The following MUC5B variants were observed in gnomAD, a reference collection of about 807,000 sequenced individuals.
MUC5B encodes mucin 5B, oligomeric mucus/gel-forming.
A neutral mutation model predicts 376.9 loss-of-function variants in MUC5B; 116 were observed. That is an observed-to-expected ratio of 0.31 (90% CI 0.26 to 0.36). The LOEUF is 0.36. Among genes scored for constraint, MUC5B ranks in the 10% least tolerant of loss-of-function variants. MUC5B has a pLI of 1.00. For synonymous variants in MUC5B, 3,517 were observed against 3,390.9 expected (o/e 1.04, Z -1.29); for missense variants, 7,165 against 7,769.9 (o/e 0.92, Z 2.93).
At position 1,230,945 on chromosome 11, in the gene MUC5B, G is replaced by C; in HGVS notation, c.1480G>C (p.Val494Leu). Residue 494 changes from valine (V) to leucine (L), a missense_variant, in exon 13 of 49, where the codon GTC (valine) becomes CTC (leucine). By Grantham distance (32) the Val-to-Leu change is conservative. Coordinates refer to ENST00000529681, the MANE Select transcript of MUC5B (RefSeq NM_002458.3). ...CCGCCTCCTTCCGCAGGCCATCCGG[G>C]TCCAAGCGGACGGCGGCGTGTTCCT... ...SLDGGDTAIRVQADGGVFLNS... is the reference protein window; with the variant it reads ...SLDGGDTAIRLQADGGVFLNS... 1 of 1,591,592 alleles carries C rather than the reference G, an allele frequency of 6.3e-7. No individual in the cohort carries two copies.
rs774333108 is a variant in MUC5B, at chr11:1,251,134, C to A, written c.14254C>A (p.Pro4752Thr). Residue 4752 changes from proline (P) to threonine (T), a missense_variant, in exon 31 of 49, where the codon CCC becomes ACC. Coordinates refer to ENST00000529681, the MANE Select transcript of MUC5B (RefSeq NM_002458.3). ...AAAATCCACAGCTACCAGCTTTACA[C>A]CCATCCCCTCCTCCACCCTGTGGAC... ...ATKSTATSFT[P>T]IPSSTLWTTW... The A allele has an allele frequency of 1.1e-5, 17 of 1,610,992 alleles. 1 individual carries two copies. Among genetic ancestry groups the A allele is most frequent in the Non-Finnish European group, 5.9e-6 (7 of 1,178,154 alleles).
At chr11:1,230,676 G>T in intron 12 of MUC5B, 76 bp downstream of exon 12, 1 of 1,358,710 alleles carries the variant, frequency 7.4e-7, no homozygotes, top group South Asian at 1.3e-5. Flanking sequence ...GCACGGTCAG[G>T]TCCCCCTCCA....
intron 18 of MUC5B, 115 bp from the exon 19 acceptor site, chr11:1,233,678 A>G (rs1862086798): frequency 9.9e-7 from 1 of 1,007,220 alleles, no homozygotes; most frequent in African/African-American, 1.6e-5. Flanking sequence ...GTCTGGCCTT[A>G]CAAGGAGGTG....
chr11:1,251,237 C>T lies in MUC5B; in HGVS notation c.14357C>T (p.Thr4786Ile), dbSNP rs1396668244. The T allele has an allele frequency of 3.1e-6, 5 of 1,611,358 alleles. No homozygotes were observed. The highest frequency in any genetic ancestry group is 4.2e-6 in the Non-Finnish European group (5 of 1,178,314). Reference protein sequence around the residue: ...STIHTSSTPETTHTSTVLTTT... With the variant: ...STIHTSSTPEITHTSTVLTTT... ...ATCCACACCTCCTCTACTCCAGAGA[C>T]CACCCACACCTCCACAGTGCTGACC... The change falls in exon 31 of 49, where the codon ACC becomes ATC. Residue 4786 changes from threonine (T) to isoleucine (I), a missense_variant. Physicochemically the swap from Thr to Ile is moderately conservative, Grantham distance 89. Coordinates refer to ENST00000529681, the MANE Select transcript of MUC5B (RefSeq NM_002458.3).
rs1392827888 is a variant in MUC5B at position 1,226,297 on chromosome 11, C to T, written c.199+21C>T. 5 of 1,549,932 alleles carry T rather than the reference C, an allele frequency of 3.2e-6. No homozygotes were observed. In the African/African-American group the frequency reaches 4.1e-5, roughly 13 times the overall value. On this transcript the variant is annotated intron_variant, in intron 3 of 48. Transcript: ENST00000529681. ...GAGCCGTAAGCAGATGCTGCCCCTG[C>T]CAGCCGGGAAGGGGGTGTTTGCCAG...
chr11:1,253,165 T>G lies in MUC5B; in HGVS notation c.15217+185T>G. The G allele has an allele frequency of 1.4e-6, 1 of 729,764 alleles. No individual in the cohort carries two copies. The highest frequency in any genetic ancestry group is 1.7e-5 in the South Asian group (1 of 58,192). The allele number at this position is 729,764 out of a possible 1,614,324, so 45.2% of individuals were successfully genotyped here. On this transcript the variant is annotated intron_variant, in intron 33 of 48. Coordinates refer to ENST00000529681, the MANE Select transcript of MUC5B (RefSeq NM_002458.3). The surrounding 1 kb of genome is among the most constrained non-coding windows in gnomAD (Gnocchi z 4.3). ...GCATGGTGGGGTGTGGTGGTGGTGTTTGGGAGATCGCTGGCATCCCTTCAG... is the reference window on the plus strand; with the variant it reads ...GCATGGTGGGGTGTGGTGGTGGTGTGTGGGAGATCGCTGGCATCCCTTCAG...
In MUC5B at chr11:1,258,355, C is replaced by T; in HGVS notation, c.16581C>T (p.Gly5527=). The change falls in exon 43 of 49, where the codon GGC becomes GGT. Residue 5527 remains glycine (G), a synonymous_variant. Coordinates refer to ENST00000529681, the MANE Select transcript of MUC5B (RefSeq NM_002458.3). The surrounding 1 kb of genome is among the most constrained non-coding windows in gnomAD (Gnocchi z 5.5). ...RCRPQLCSYN[G]TFYGVGATFP... is the part of the protein sequence containing the mutation. ...GACCTCAGCTGTGTTCGTACAATGG[C>T]ACCTTCTACGGGGTAAGGGCACAGC... The T allele has an allele frequency of 6.2e-7, 1 of 1,612,146 alleles. No individual in the cohort carries two copies. Among genetic ancestry groups the T allele is most frequent in the Non-Finnish European group, 8.5e-7 (1 of 1,179,572 alleles).
intron 1 of MUC5B, 114 bp from the exon 2 acceptor site, chr11:1,225,567 A>T: frequency 1.1e-6 from 1 of 942,720 alleles, no homozygotes; most frequent in Non-Finnish European, 1.6e-6. Flanking sequence ...GGAGACCGCC[A>T]CCAAGGACCC....
chr11:1,228,195 G>A (rs1021068838), intron 7 of MUC5B, among the ~76,000 whole-genome samples: 1 of 152,212 alleles, frequency 6.6e-6, no homozygotes, highest in Non-Finnish European at 1.5e-5. Flanking sequence ...CCCGCAGCCG[G>A]CAGCCCTGGG....
In MUC5B at chr11:1,245,990, C is replaced by T. The variant is rs773036549; in HGVS notation, c.9110C>T (p.Ser3037Phe). The change falls in exon 31 of 49, where the codon TCC becomes TTC. Residue 3037 changes from serine (S) to phenylalanine (F), a missense_variant. Around this residue, in one of 31 missense-constraint regions of MUC5B, gnomAD observed 939 missense variants for 770.6 expected, o/e 1.22. Coordinates refer to ENST00000529681, the MANE Select transcript of MUC5B (RefSeq NM_002458.3). ...STATTPTATS[S>F]KATSSSSPRT... ...GCCACCACACCCACAGCCACCAGTT[C>T]CAAAGCCACTTCCTCCTCCAGTCCA... 2.5e-6 allele frequency: 4 copies of T among 1,612,798 alleles called. No homozygotes were observed. Among genetic ancestry groups the T allele is most frequent in the Admixed American group, 3.3e-5 (2 of 59,916 alleles).
At position 1,246,656 on chromosome 11, in the gene MUC5B, C is replaced by T. The variant is rs748826474; in HGVS notation, c.9776C>T (p.Thr3259Met). The T allele has an allele frequency of 3.5e-5, 57 of 1,612,072 alleles. No individual in the cohort carries two copies. Among genetic ancestry groups the T allele is most frequent in the East Asian group, 1.1e-4 (5 of 44,790 alleles). ...CGCCTATCACAGACCACCACACCCA[C>T]GGCCACCATGTCCACAGCCACACCC... ...WTRLSQTTTP[T>M]ATMSTATPSS... Residue 3259 changes from threonine (T) to methionine (M), a missense_variant, in exon 31 of 49, where the codon ACG becomes ATG. Coordinates refer to ENST00000529681, the MANE Select transcript of MUC5B (RefSeq NM_002458.3).
In MUC5B at chr11:1,244,736, C is replaced by G. The variant is rs779873099; in HGVS notation, c.7856C>G (p.Thr2619Ser). The part of the protein sequence containing the change: ...LTTTTTGFTA[T>S]PSSSPGTART... ...ACCACAACCACGGGCTTCACAGCCACCCCCTCCTCCAGCCCAGGGACGGCA... is the reference window on the plus strand; with the variant it reads ...ACCACAACCACGGGCTTCACAGCCAGCCCCTCCTCCAGCCCAGGGACGGCA... The change falls in exon 31 of 49, where the codon ACC becomes AGC. Residue 2619 changes from threonine (T) to serine (S), a missense_variant. Transcript: ENST00000529681. The G allele has an allele frequency of 6.2e-7, 1 of 1,612,246 alleles. No individual in the cohort carries two copies. Among genetic ancestry groups the G allele is most frequent in the East Asian group, 2.2e-5 (1 of 44,874 alleles).
chr11:1,261,377 C>T lies in MUC5B; in HGVS notation c.17070-12C>T, dbSNP rs1364320934. 1 of 1,539,722 alleles carries T rather than the reference C, an allele frequency of 6.5e-7. No individual in the cohort carries two copies. The highest frequency in any genetic ancestry group is 1.4e-5 in the African/African-American group (1 of 72,986). ...CAAGGTGGCTGATGTGAGGGCCACC[C>T]TGCGTCCACAGGTACTCAGCAGAGG... On this transcript the variant is annotated splice_polypyrimidine_tract_variant and intron_variant, in intron 48 of 48. Transcript: ENST00000529681.
At chr11:1,227,919 G>T in intron 7 of MUC5B, 138 bp downstream of exon 7, 1 of 609,842 alleles carries the variant, frequency 1.6e-6, no homozygotes, top group African/African-American at 1.8e-5. Context: ...CACCCTCTGT[G>T]TGCTCAGTTC....
At chr11:1,236,874 G>T (rs981851081) in intron 24 of MUC5B, 51 bp from the exon 25 acceptor site, 1 of 1,394,728 alleles carries the variant, frequency 7.2e-7, no homozygotes, top group South Asian at 1.7e-5. Flanking sequence ...TGCCTCCCAC[G>T]GGTGCCTGTG....
chr11:1,232,908 T>C (rs1009802725), intron 17 of MUC5B, 105 bp from the exon 18 acceptor site: 4 of 1,461,720 alleles, frequency 2.7e-6, no homozygotes, highest in Non-Finnish European at 3.6e-6. Context: ...AAGAACCTCA[T>C]GCCCTTGCGA....
Position 1,239,845 on chromosome 11 carries a change from C to A in MUC5B, c.3630C>A (p.Asp1210Glu), listed in dbSNP as rs1862237804. 2 of 1,612,926 alleles carry A rather than the reference C, an allele frequency of 1.2e-6. No individual in the cohort carries two copies. Among genetic ancestry groups the A allele is most frequent in the Non-Finnish European group, 1.7e-6 (2 of 1,179,560 alleles). Residue 1210 changes from aspartate to glutamate, a missense_variant, in exon 28 of 49, where the codon GAC (aspartate) becomes GAA (glutamate). Around this residue, in one of 31 missense-constraint regions of MUC5B, gnomAD observed 517 missense variants for 545.3 expected, o/e 0.95. Coordinates refer to ENST00000529681, the MANE Select transcript of MUC5B (RefSeq NM_002458.3). ...CPPSQPFFNE[D>E]QMKCVAQCGC... ...CCAGCCAGCCCTTCTTCAATGAGGA[C>A]CAGATGAAGTGCGTGGCCCAGTGTG...
In MUC5B at chr11:1,248,520, C is replaced by A. The variant is rs749577476; in HGVS notation, c.11640C>A (p.Ser3880Arg). The change falls in exon 31 of 49, where the codon AGC becomes AGA. Residue 3880 changes from serine (S) to arginine (R), a missense_variant. Physicochemically the swap from Ser to Arg is moderately radical, Grantham distance 110. This residue lies in a region of MUC5B where 242 missense variants were observed against 199.0 expected (regional missense o/e 1.22). Transcript: ENST00000529681. ...TTGFTVTPSS[S>R]PGTARTPPVW... is the part of the protein sequence containing the mutation. Reference sequence around the variant, plus strand: ...GCTTCACAGTCACCCCCTCCTCCAGCCCAGGGACGGCACGCACGCCTCCAG... The same window carrying A: ...GCTTCACAGTCACCCCCTCCTCCAGACCAGGGACGGCACGCACGCCTCCAG... The A allele has an allele frequency of 4.3e-6, 7 of 1,612,956 alleles. No individual in the cohort carries two copies. Among genetic ancestry groups the A allele is most frequent in the Middle Eastern group, 1.7e-4 (1 of 5,922 alleles).
chr11:1,236,912 G>A lies in MUC5B; in HGVS notation c.3058-13G>A, dbSNP rs746453487. On this transcript the variant is annotated splice_polypyrimidine_tract_variant and intron_variant, in intron 24 of 48. Transcript: ENST00000529681. ...CCCAGCTCCAGGGCCCCACTCTCTC[G>A]CTGCCTCTGCAGGGCAGGGTCTGCG... 1.8e-5 allele frequency: 25 copies of A among 1,421,084 alleles called. No individual in the cohort carries two copies. The highest frequency in any genetic ancestry group is 5.8e-5 in the Admixed American group (2 of 34,620). 88.0% of individuals were successfully genotyped at this position (1,421,084 alleles called of 1,614,324 possible).
Sources: allele counts gnomAD v4.1 joint callset (sites outside exome capture counted in the v4.1 genomes callset), GRCh38; gene constraint gnomAD v4.1.1; regional missense constraint gnomAD v4.1.1; non-coding constraint Gnocchi (gnomAD v3.1); transcripts MANE v1.5; gene names NCBI Gene and HGNC (gene_info 2026-07-23, HGNC 2026-07-21).